Variants in GRM7 observed in about 807,000 individuals in gnomAD.
The protein encoded by GRM7 is glutamate metabotropic receptor 7.
In GRM7, 35 loss-of-function variants were observed where a neutral mutation model predicts 84.5. The observed-to-expected ratio is 0.41, with a 90% CI of 0.32 to 0.55. GRM7 has a LOEUF of 0.55. Among genes scored for constraint, GRM7 ranks in the 20% least tolerant of loss-of-function variants. The pLI, the probability that GRM7 is intolerant of heterozygous loss-of-function variation, is 0.19. For synonymous variants in GRM7, 487 were observed against 455.1 expected (o/e 1.07, Z -0.89); for missense variants, 1,003 against 1,194.6 (o/e 0.84, Z 2.36).
intron 5 of GRM7, among the ~76,000 whole-genome samples, chr3:7,423,639 C>A (rs1696486643): frequency 6.7e-6 from 1 of 150,310 alleles, no homozygotes; most frequent in African/African-American, 2.5e-5. Context: ...AGGCTTTCTG[C>A]CCCCCACCCC....
chr3:7,247,054 G>C (rs1340555499), intron 2 of GRM7, among the ~76,000 whole-genome samples: 2 of 151,970 alleles, frequency 1.3e-5, no homozygotes, highest in African/African-American at 4.8e-5. Context: ...ATCCAATAGG[G>C]TTAGAAAAAT....
At chr3:7,238,316 C>A (rs557115929) in intron 2 of GRM7, among the ~76,000 whole-genome samples, 3 of 152,266 alleles carry the variant, frequency 2.0e-5, no homozygotes, top group East Asian at 3.9e-4. Context: ...TTCTGCTCTG[C>A]ATGCCATTTT....
intron 8 of GRM7, among the ~76,000 whole-genome samples, chr3:7,592,121 T>C (rs139815151): frequency 2.6e-4 from 39 of 152,228 alleles, no homozygotes; most frequent in Middle Eastern, 6.8e-3. Flanking sequence ...TGTAGCTATA[T>C]CCTAGCCACT....
intron 5 of GRM7, among the ~76,000 whole-genome samples, chr3:7,446,297 T>C (rs1420598488): frequency 6.6e-6 from 1 of 152,182 alleles, no homozygotes; most frequent in Non-Finnish European, 1.5e-5. Flanking sequence ...ATGAGAAGCC[T>C]TATGCTGGTT....
rs144442621 is a variant in GRM7 at position 7,020,709 on chromosome 3, C to T, written c.520-125743C>T. On this transcript the variant is annotated intron_variant, in intron 1 of 9. Coordinates refer to ENST00000357716, the MANE Select transcript of GRM7 (RefSeq NM_000844.4). ...ACTATAAATATCATCCTGGTAATCT[C>T]GTGTATATTTACAATTTTAATTTAT... Among the ~76,000 whole-genome samples the T allele has an allele frequency of 2.2e-3, 337 of 152,200 alleles. 1 individual carries two copies. The highest frequency in any genetic ancestry group is 3.8e-3 in the Non-Finnish European group (259 of 68,012).
At chr3:7,570,588 G>C (rs1357322960) in intron 7 of GRM7, among the ~76,000 whole-genome samples, 1 of 152,216 alleles carries the variant, frequency 6.6e-6, no homozygotes, top group Non-Finnish European at 1.5e-5. Flanking sequence ...CTCCACCCCT[G>C]TGGCTTTGCA....
chr3:7,324,986 C>T (rs1700929896), intron 4 of GRM7, among the ~76,000 whole-genome samples: 1 of 152,184 alleles, frequency 6.6e-6, no homozygotes, highest in Admixed American at 6.5e-5. Flanking sequence ...ACTTAGCAGG[C>T]TAGCACTTTC....
At chr3:7,585,993 A>G (rs1695501856) in intron 8 of GRM7, among the ~76,000 whole-genome samples, 1 of 152,130 alleles carries the variant, frequency 6.6e-6, no homozygotes, top group Non-Finnish European at 1.5e-5. Flanking sequence ...TTATTTGGGC[A>G]TTTTCTTCTA....
At chr3:6,935,205 C>G (rs1182045288) in intron 1 of GRM7, among the ~76,000 whole-genome samples, 4 of 152,138 alleles carry the variant, frequency 2.6e-5, no homozygotes, top group Admixed American at 2.6e-4. Flanking sequence ...ATGATTCCTT[C>G]TACTTGATTC....
intron 1 of GRM7, among the ~76,000 whole-genome samples, chr3:7,072,391 T>G (rs972416917): frequency 6.6e-6 from 1 of 152,112 alleles, no homozygotes; most frequent in African/African-American, 2.4e-5. Flanking sequence ...TATCTAAAGT[T>G]CTCACTTTGG....
chr3:7,355,842 C>G (rs573630999), intron 4 of GRM7, among the ~76,000 whole-genome samples: 2 of 152,142 alleles, frequency 1.3e-5, no homozygotes, highest in Non-Finnish European at 2.9e-5. Context: ...TGTCTTCTCT[C>G]TCCCAGTCTG....
At chr3:7,029,301 C>CAAAAAAAAACAAACAACAA in intron 1 of GRM7, among the ~76,000 whole-genome samples, 1 of 55,210 alleles carries the variant, frequency 1.8e-5, no homozygotes, top group Non-Finnish European at 5.1e-5. Context: ...GACTCTGCCT[C>CAAAAAAAAACAAACAACAA]AAAAAAAAAA....
At chr3:6,986,613 C>G (rs1311301787) in intron 1 of GRM7, among the ~76,000 whole-genome samples, 2 of 152,166 alleles carry the variant, frequency 1.3e-5, no homozygotes, top group African/African-American at 2.4e-5. Context: ...TTTCTAAGCT[C>G]TCTCTACTTC....
intron 7 of GRM7, among the ~76,000 whole-genome samples, chr3:7,523,704 C>T (rs1001046567): frequency 1.3e-5 from 2 of 151,960 alleles, no homozygotes; most frequent in South Asian, 2.1e-4. Flanking sequence ...CAACAGAGAC[C>T]GTTTTAGAAA....
At chr3:7,523,095 A>G (rs997552430) in intron 7 of GRM7, among the ~76,000 whole-genome samples, 13 of 152,082 alleles carry the variant, frequency 8.5e-5, no homozygotes, top group African/African-American at 2.7e-4. Context: ...AGCAATTTCT[A>G]TTGTATTTAG....
At position 7,602,777 on chromosome 3, in the gene GRM7, A is replaced by G. The variant is rs75200715; in HGVS notation, c.2451+23420A>G. Among the ~76,000 whole-genome samples the G allele has an allele frequency of 6.3e-3, 965 of 152,308 alleles. 10 individuals are homozygous for G. The highest frequency in any genetic ancestry group is 0.022 in the African/African-American group (926 of 41,572). On this transcript the variant is annotated intron_variant, in intron 8 of 9. Coordinates refer to ENST00000357716, the MANE Select transcript of GRM7 (RefSeq NM_000844.4). ...AAGGTAGGCTGGTAGTCAATGAGGA[A>G]TTCTTTGAAGCTTGCAAGTTTTGTG...
intron 1 of GRM7, among the ~76,000 whole-genome samples, chr3:7,142,499 G>A (rs925972338): frequency 6.6e-6 from 1 of 152,060 alleles, no homozygotes; most frequent in East Asian, 1.9e-4. Flanking sequence ...AAATCATCAG[G>A]TCTTGTGAGA....
At chr3:7,645,546 TAAAAAA>T (rs71043684) in intron 8 of GRM7, among the ~76,000 whole-genome samples, 1,204 of 87,796 alleles carry the variant, frequency 0.014, 24 homozygotes, top group African/African-American at 0.054. Flanking sequence ...GACTCCATCT[TAAAAAA>T]AAAAAAAAAA....
intron 9 of GRM7, among the ~76,000 whole-genome samples, chr3:7,718,417 T>C (rs1178064926): frequency 1.3e-5 from 2 of 151,940 alleles, no homozygotes; most frequent in African/African-American, 4.8e-5. Context: ...AGGGTTTAGG[T>C]ATAACAAAAG....
Sources: allele counts gnomAD v4.1 joint callset (sites outside exome capture counted in the v4.1 genomes callset), GRCh38; gene constraint gnomAD v4.1.1; transcripts MANE v1.5; gene names NCBI Gene and HGNC (gene_info 2026-07-23, HGNC 2026-07-21).